The following OPCML variants were observed in gnomAD, a reference collection of about 807,000 sequenced individuals.
OPCML encodes the protein opioid-binding protein/cell adhesion molecule.
Under a neutral mutation model 37.8 loss-of-function variants are expected in OPCML, and 13 were observed. The observed-to-expected ratio is 0.34, with a 90% CI of 0.22 to 0.55. The LOEUF (loss-of-function observed/expected upper bound fraction) is 0.55, where lower values mean the gene tolerates loss of function less well. Ranked by LOEUF, OPCML falls within the 20% of genes least tolerant of loss-of-function variation. OPCML has a pLI of 0.91. For synonymous variants in OPCML, 176 were observed against 168.8 expected (o/e 1.04, Z -0.33); for missense variants, 341 against 435.6 (o/e 0.78, Z 1.93).
chr11:132,922,567 C>A (rs754518429), intron 2 of OPCML, among the ~76,000 whole-genome samples: 15 of 152,106 alleles, frequency 9.9e-5, no homozygotes, highest in Non-Finnish European at 2.1e-4. Context: ...CTGACTCCTG[C>A]TTCCCTTCCT....
chr11:133,329,577 A>G (rs1565575597), intron 1 of OPCML, among the ~76,000 whole-genome samples: 1 of 152,212 alleles, frequency 6.6e-6, no homozygotes, highest in African/African-American at 2.4e-5. Flanking sequence ...AAAACAAGCA[A>G]TGAATGGGGA....
chr11:133,405,706 C>T (rs943057976), intron 1 of OPCML, among the ~76,000 whole-genome samples: 3 of 150,448 alleles, frequency 2.0e-5, no homozygotes, highest in African/African-American at 4.9e-5. Context: ...ACAGGGACAA[C>T]AGCATCTGAT....
At chr11:132,871,925 C>A (rs1252544161) in intron 2 of OPCML, among the ~76,000 whole-genome samples, 1 of 152,196 alleles carries the variant, frequency 6.6e-6, no homozygotes. Context: ...ACCGAACCTG[C>A]CTCTCTGGCT....
At chr11:132,728,422 T>A (rs1001599724) in intron 2 of OPCML, among the ~76,000 whole-genome samples, 1 of 152,042 alleles carries the variant, frequency 6.6e-6, no homozygotes, top group East Asian at 1.9e-4. Context: ...AGACAAAAGA[T>A]GATGGAGCTA....
chr11:133,117,035 CA>C (rs1403915970), intron 1 of OPCML, among the ~76,000 whole-genome samples: 1 of 152,056 alleles, frequency 6.6e-6, no homozygotes, highest in Non-Finnish European at 1.5e-5. Context: ...TAATTCCATA[CA>C]ACTCATTAAT....
chr11:132,870,656 G>T (rs1942761187), intron 2 of OPCML, among the ~76,000 whole-genome samples: 1 of 152,194 alleles, frequency 6.6e-6, no homozygotes, highest in South Asian at 2.1e-4. Flanking sequence ...AAGAACGTAA[G>T]TGTCCCTCAA....
Position 132,537,518 on chromosome 11 carries a change from G to A in OPCML, c.380-8332C>T, listed in dbSNP as rs2096344028. ...AGAAAAACTATGTAGCCTTTGATTAGGTGATGAATCCTTAGCTATACCACA... is the reference window on the plus strand; with the variant it reads ...AGAAAAACTATGTAGCCTTTGATTAAGTGATGAATCCTTAGCTATACCACA... On this transcript the variant is annotated intron_variant, in intron 3 of 7. Transcript: ENST00000524381. Among the ~76,000 whole-genome samples, 4 of 152,306 alleles carry A rather than the reference G, an allele frequency of 2.6e-5. No individual in the cohort carries two copies. In the South Asian group the frequency reaches 8.3e-4, roughly 32 times the overall value.
chr11:133,304,125 G>A (rs1307625149), intron 1 of OPCML, among the ~76,000 whole-genome samples: 5 of 152,180 alleles, frequency 3.3e-5, no homozygotes, highest in Admixed American at 3.3e-4. Flanking sequence ...GGAATACAGT[G>A]CTCTACATGA....
chr11:133,089,156 T>C (rs1260602585), intron 1 of OPCML, among the ~76,000 whole-genome samples: 5 of 152,192 alleles, frequency 3.3e-5, no homozygotes, highest in Non-Finnish European at 7.3e-5. Context: ...TTTCTGATAA[T>C]AGTAAGTGAG....
chr11:133,094,041 G>A (rs1027313988), intron 1 of OPCML, among the ~76,000 whole-genome samples: 3 of 152,032 alleles, frequency 2.0e-5, no homozygotes, highest in Admixed American at 6.6e-5. Context: ...CCCCTCGTGT[G>A]TCTAAATATC....
chr11:133,131,690 T>C (rs1949606545), intron 1 of OPCML, among the ~76,000 whole-genome samples: 1 of 152,222 alleles, frequency 6.6e-6, no homozygotes, highest in Non-Finnish European at 1.5e-5. Flanking sequence ...TAAATACTTA[T>C]GTCCACATAA....
intron 4 of OPCML, among the ~76,000 whole-genome samples, chr11:132,509,209 G>C (rs1441839032): frequency 2.6e-5 from 4 of 152,116 alleles, no homozygotes; most frequent in South Asian, 4.2e-4. Context: ...GATGATTTTG[G>C]GTATCTGGCA....
intron 4 of OPCML, among the ~76,000 whole-genome samples, chr11:132,447,925 A>G (rs1353196928): frequency 6.6e-6 from 1 of 152,240 alleles, no homozygotes; most frequent in Non-Finnish European, 1.5e-5. Context: ...TCTCTGGAAG[A>G]CAGACAATTG....
intron 2 of OPCML, chr11:132,859,671 A>G (rs1313703964): frequency 2.6e-5 from 4 of 152,080 alleles, no homozygotes; most frequent in African/African-American, 4.8e-5. Flanking sequence ...GAAAGCACAC[A>G]TGAAATTCTA....
chr11:133,503,542 G>T (rs551000432), intron 1 of OPCML, among the ~76,000 whole-genome samples: 1 of 152,184 alleles, frequency 6.6e-6, no homozygotes, highest in Non-Finnish European at 1.5e-5. Flanking sequence ...CTTATTAAAA[G>T]TGAAATATAT....
Position 132,657,245 on chromosome 11 carries a change from T to C in OPCML, c.221A>G (p.Lys74Arg). ...RSTILYAGND[K>R]WSIDPRVIIL... ...GATCACACGAGGGTCTATGGACCAC[T>C]TGTCATTCCCAGCGTAGAGGATGGT... Residue 74 changes from lysine (K) to arginine (R), a missense_variant, in exon 3 of 8, where the codon AAG becomes AGG. Transcript: ENST00000524381. 1 of 1,614,222 alleles carries C rather than the reference T, an allele frequency of 6.2e-7. No individual in the cohort carries two copies. The highest frequency in any genetic ancestry group is 1.6e-4 in the Middle Eastern group (1 of 6,062).
chr11:133,234,251 C>T (rs1940415093), intron 1 of OPCML, among the ~76,000 whole-genome samples: 1 of 151,266 alleles, frequency 6.6e-6, no homozygotes, highest in Non-Finnish European at 1.5e-5. Context: ...CAAAACCAAA[C>T]AACAACAACA....
intron 1 of OPCML, among the ~76,000 whole-genome samples, chr11:133,196,321 G>A (rs1592093675): frequency 6.6e-6 from 1 of 152,338 alleles, no homozygotes; most frequent in African/African-American, 2.4e-5. Context: ...ATCCATTCAA[G>A]CAGCTGTTCA....
intron 1 of OPCML, among the ~76,000 whole-genome samples, chr11:133,159,455 A>C (rs1426390300): frequency 6.6e-6 from 1 of 152,180 alleles, no homozygotes; most frequent in African/African-American, 2.4e-5. Context: ...CTGCACCAAG[A>C]CTGACAGAGG....
Sources: gnomAD v4.1 joint callset for allele counts (sites outside exome capture counted in the v4.1 genomes callset) on GRCh38, gnomAD v4.1.1 for gene constraint, MANE v1.5 for transcripts, NCBI Gene and HGNC (gene_info 2026-07-23, HGNC 2026-07-21) for gene names.